Variants in DAGLA observed in about 807,000 individuals in gnomAD.
DAGLA encodes the protein diacylglycerol lipase-alpha.
A neutral mutation model predicts 102.6 loss-of-function variants in DAGLA; 22 were observed. The ratio of observed to expected loss-of-function variants is 0.21; its 90% confidence interval spans 0.15 to 0.31. The LOEUF (loss-of-function observed/expected upper bound fraction) is 0.31. Ranked by LOEUF, DAGLA falls within the 10% of genes least tolerant of loss-of-function variation. DAGLA has a pLI of 1.00. For missense variants in DAGLA, 927 were observed against 1,446.6 expected, an observed-to-expected ratio of 0.64 and a Z score of 5.83; for synonymous variants, 578 against 628.9, an observed-to-expected ratio of 0.92 and a Z score of 1.21.
At position 61,740,483 on chromosome 11, in the gene DAGLA, C is replaced by T. The variant is rs1190450119; in HGVS notation, c.1874C>T (p.Pro625Leu). 1 of 1,613,752 alleles carries T rather than the reference C, an allele frequency of 6.2e-7. No homozygotes were observed. The change falls in exon 18 of 20, where the codon CCC becomes CTC. Residue 625 changes from proline to leucine, a missense_variant. Pro to Leu is a moderately conservative substitution (Grantham distance 98). Transcript: ENST00000257215. ...CTCAGCTGCTGTGAGCAGGAGGAGC[C>T]CACATACTTTGCCATCTGGGGCGAC... is the stretch of plus-strand genomic sequence containing the variant. ...EQCCCCEQEE[P>L]TYFAIWGDNK... is the part of the protein sequence containing the mutation.
intron 5 of DAGLA, among the ~76,000 whole-genome samples, chr11:61,725,713 C>G (rs1331242885): frequency 6.6e-6 from 1 of 152,196 alleles, no homozygotes. Context: ...AGGAGCCTCT[C>G]AACTGCTCCC....
chr11:61,724,069 C>T (rs1426194931), intron 5 of DAGLA, among the ~76,000 whole-genome samples: 1 of 152,144 alleles, frequency 6.6e-6, no homozygotes, highest in East Asian at 1.9e-4. Context: ...GGCAGTCTGG[C>T]CTTAGAGTCC....
chr11:61,730,681 A>G (rs1409044636), intron 8 of DAGLA, among the ~76,000 whole-genome samples: 1 of 152,134 alleles, frequency 6.6e-6, no homozygotes, highest in Non-Finnish European at 1.5e-5. Context: ...TGGGCCTCAG[A>G]CACACTGGCT....
chr11:61,687,658 CTT>C (rs35404524), intron 1 of DAGLA, among the ~76,000 whole-genome samples: 20,750 of 152,230 alleles, frequency 0.14, 1,570 homozygotes, highest in East Asian at 0.27. Context: ...GTAGCACTCT[CTT>C]ATCTGAATAG....
chr11:61,706,463 A>G (rs925649522), intron 1 of DAGLA, among the ~76,000 whole-genome samples: 1 of 151,824 alleles, frequency 6.6e-6, no homozygotes, highest in Non-Finnish European at 1.5e-5. Flanking sequence ...CATCTCCCTC[A>G]GTGTTGGGGT....
chr11:61,728,278 G>T lies in DAGLA; in HGVS notation c.762G>T (p.Val254=), dbSNP rs777792975. The change falls in exon 7 of 20, where the codon GTG becomes GTT. Residue 254 remains valine, a synonymous_variant. Transcript: ENST00000257215. ...RQRQRAKRNA[V]LDEANNDILA... is the part of the protein sequence containing the mutation. ...GGCAGCGGGCCAAGCGCAACGCCGTGCTGGACGAGGTGAGCACCACCAGCC... is the reference window on the plus strand; with the variant it reads ...GGCAGCGGGCCAAGCGCAACGCCGTTCTGGACGAGGTGAGCACCACCAGCC... 4 of 1,611,416 alleles carry T rather than the reference G, an allele frequency of 2.5e-6. No homozygotes were observed. In the Admixed American group the frequency reaches 6.7e-5, roughly 27 times the overall value.
At chr11:61,733,407 T>A (rs982276537) in intron 9 of DAGLA, among the ~76,000 whole-genome samples, 8 of 152,256 alleles carry the variant, frequency 5.3e-5, no homozygotes, top group African/African-American at 1.7e-4. Context: ...GCAAGCACTG[T>A]GGCTTTCTCA....
chr11:61,741,389 G>A, intron 19 of DAGLA, 40 bp downstream of exon 19: 1 of 1,583,302 alleles, frequency 6.3e-7, no homozygotes, highest in South Asian at 1.1e-5. Context: ...CAGGGTGAGT[G>A]TGGTTCAGAG....
At chr11:61,697,118 C>A (rs1404300156) in intron 1 of DAGLA, among the ~76,000 whole-genome samples, 1 of 152,170 alleles carries the variant, frequency 6.6e-6, no homozygotes, top group East Asian at 1.9e-4. Flanking sequence ...TACCTGCTCA[C>A]CTGGCCAGTG....
intron 1 of DAGLA, among the ~76,000 whole-genome samples, chr11:61,716,975 C>G (rs2065240096): frequency 1.3e-5 from 2 of 152,130 alleles, no homozygotes; most frequent in Non-Finnish European, 2.9e-5. Flanking sequence ...GGAGGAGCCC[C>G]CAGCAGTGCC....
At chr11:61,740,236 C>T (rs1235319390) in intron 17 of DAGLA, among the ~76,000 whole-genome samples, 1 of 152,186 alleles carries the variant, frequency 6.6e-6, no homozygotes, top group African/African-American at 2.4e-5. Context: ...AAAAGCAGGT[C>T]GAAGGCTGTG....
Position 61,744,135 on chromosome 11 carries a change from C to G in DAGLA, c.2775C>G (p.Ser925Arg). 4 of 1,613,052 alleles carry G rather than the reference C, an allele frequency of 2.5e-6. No homozygotes were observed. In the South Asian group the frequency reaches 4.4e-5, roughly 18 times the overall value. ...EFIDSLFNLDSKSSSFQDLYC... is the reference protein window; with the variant it reads ...EFIDSLFNLDRKSSSFQDLYC... Reference sequence around the variant, plus strand: ...TCGACAGCCTCTTCAACCTGGACAGCAAGAGCAGCTCCTTCCAAGACCTCT... The same window carrying G: ...TCGACAGCCTCTTCAACCTGGACAGGAAGAGCAGCTCCTTCCAAGACCTCT... Residue 925 changes from serine to arginine, a missense_variant, in exon 20 of 20, where the codon AGC becomes AGG. This residue lies in a region of DAGLA where 434 missense variants were observed against 503.3 expected (regional missense o/e 0.86). Transcript: ENST00000257215.
chr11:61,691,829 C>T, intron 1 of DAGLA, among the ~76,000 whole-genome samples: 1 of 152,178 alleles, frequency 6.6e-6, no homozygotes. Context: ...GAGTCCTTAA[C>T]CAGGTCCTTT....
intron 1 of DAGLA, among the ~76,000 whole-genome samples, chr11:61,691,355 T>A (rs1054396311): frequency 2.6e-5 from 4 of 152,270 alleles, no homozygotes; most frequent in Non-Finnish European, 4.4e-5. Context: ...AGGTTGAAAG[T>A]GGCTGGCCTC....
chr11:61,706,621 T>A (rs2065152127), intron 1 of DAGLA, among the ~76,000 whole-genome samples: 1 of 152,120 alleles, frequency 6.6e-6, no homozygotes, highest in Non-Finnish European at 1.5e-5. Flanking sequence ...TCCCACAACA[T>A]CCAGAGACAG....
Position 61,737,735 on chromosome 11 carries a change from G to A in DAGLA, c.1563G>A (p.Leu521=), listed in dbSNP as rs773277185. The part of the protein sequence containing the change: ...YSKEFVTAVV[L]GKDLVPRIGL... Reference sequence around the variant, plus strand: ...AGGAGTTCGTGACTGCTGTGGTTCTGGGCAAAGACCTCGTCCCCAGGTGAG... The same window carrying A: ...AGGAGTTCGTGACTGCTGTGGTTCTAGGCAAAGACCTCGTCCCCAGGTGAG... Residue 521 remains leucine (L), a synonymous_variant, in exon 15 of 20, where the codon CTG becomes CTA. Transcript: ENST00000257215. The A allele has an allele frequency of 5.6e-6, 9 of 1,614,028 alleles. No individual in the cohort carries two copies. Among genetic ancestry groups the A allele is most frequent in the Non-Finnish European group, 7.6e-6 (9 of 1,179,948 alleles).
At chr11:61,714,804 G>T (rs770913581) in intron 1 of DAGLA, among the ~76,000 whole-genome samples, 1 of 152,202 alleles carries the variant, frequency 6.6e-6, no homozygotes. Context: ...CCTTTGTTAG[G>T]TGTGGGCTTT....
chr11:61,680,821 C>T (rs1413242008), intron 1 of DAGLA, among the ~76,000 whole-genome samples: 8 of 152,252 alleles, frequency 5.3e-5, no homozygotes, highest in East Asian at 1.9e-4. Context: ...GGTGGTGCAG[C>T]TGTCTGCACA....
chr11:61,742,197 C>T (rs1475756690), intron 19 of DAGLA, among the ~76,000 whole-genome samples: 1 of 152,218 alleles, frequency 6.6e-6, no homozygotes, highest in Non-Finnish European at 1.5e-5. Flanking sequence ...GTCTGGTCTA[C>T]ACACTCATAC....
Sources: allele counts gnomAD v4.1 joint callset (sites outside exome capture counted in the v4.1 genomes callset), GRCh38; gene constraint gnomAD v4.1.1; regional missense constraint gnomAD v4.1.1; transcripts MANE v1.5; gene names NCBI Gene and HGNC (gene_info 2026-07-23, HGNC 2026-07-21).